Variants in ZNF735 observed in about 807,000 individuals in gnomAD.
ZNF735 encodes the protein zinc finger protein 735.
Under a neutral mutation model 13.4 loss-of-function variants are expected in ZNF735, and 11 were observed. The observed-to-expected ratio is 0.82, with a 90% CI of 0.52 to 1.36. The LOEUF (loss-of-function observed/expected upper bound fraction) is 1.36. ZNF735 is among the 40% of genes most tolerant of loss of function. The probability of loss-of-function intolerance (pLI) is 0.00; values close to 1 mark genes in which losing one functional copy is unlikely to be tolerated. For synonymous variants in ZNF735, 171 were observed against 162.6 expected (o/e 1.05, Z -0.39); for missense variants, 500 against 484.6 (o/e 1.03, Z -0.30).
At chr7:64,214,457 C>G (rs1231188984) in intron 3 of ZNF735, among the ~76,000 whole-genome samples, 1 of 151,046 alleles carries the variant, frequency 6.6e-6, no homozygotes, top group African/African-American at 2.4e-5. Flanking sequence ...TTGAGAAACT[C>G]TATGTTAAAC....
intron 3 of ZNF735, among the ~76,000 whole-genome samples, chr7:64,217,278 G>A (rs1182175420): frequency 6.6e-6 from 1 of 152,146 alleles, no homozygotes; most frequent in African/African-American, 2.4e-5. Flanking sequence ...GCCTTCCACT[G>A]TAATTGCAAG....
At chr7:64,207,603 C>T (rs528697057) in intron 1 of ZNF735, among the ~76,000 whole-genome samples, 2 of 152,272 alleles carry the variant, frequency 1.3e-5, no homozygotes, top group African/African-American at 4.8e-5. Flanking sequence ...GAGCTGTGGT[C>T]CCTGGGGTCC....
Position 64,214,117 on chromosome 7 carries a change from G to C in ZNF735, c.262+9G>C. The C allele has an allele frequency of 6.3e-7, 1 of 1,598,636 alleles. No individual in the cohort carries two copies. On this transcript the variant is annotated intron_variant, in intron 3 of 3. Coordinates refer to ENST00000429565, the Ensembl canonical transcript of ZNF735. ...GGCAGCCAAACACCCAGGTAGGTGA[G>C]AGCAAATGAAGCAGATGACACGGAT...
intron 3 of ZNF735, among the ~76,000 whole-genome samples, chr7:64,218,297 G>A (rs1015785161): frequency 6.6e-6 from 1 of 151,678 alleles, no homozygotes; most frequent in Non-Finnish European, 1.5e-5. Context: ...TGTCTCGGAG[G>A]ACTAGGCTTA....
intron 3 of ZNF735, among the ~76,000 whole-genome samples, chr7:64,215,123 G>A (rs1787405027): frequency 1.3e-5 from 2 of 151,252 alleles, no homozygotes; most frequent in African/African-American, 2.4e-5. Flanking sequence ...GTGCAATGGG[G>A]CAATTTTGGC....
chr7:64,220,091 A>G, exon 4 of ZNF735: 2 of 1,613,700 alleles, frequency 1.2e-6, no homozygotes, highest in Non-Finnish European at 8.5e-7. Flanking sequence ...AAGATAATTC[A>G]TACTGGAGAG....
At chr7:64,214,309 T>G (rs4718037) in intron 3 of ZNF735, among the ~76,000 whole-genome samples, 40,499 of 152,038 alleles carry the variant, frequency 0.27, 5,396 homozygotes, top group East Asian at 0.32. Flanking sequence ...TTAAATTCTC[T>G]AAGGATTCTA....
intron 1 of ZNF735, among the ~76,000 whole-genome samples, chr7:64,208,996 T>C (rs1227869724): frequency 6.6e-6 from 1 of 152,216 alleles, no homozygotes; most frequent in Non-Finnish European, 1.5e-5. Context: ...ATTTCTGGTT[T>C]TTGCTATTGT....
exon 4 of ZNF735, chr7:64,219,991 T>G (rs1172240146): frequency 2.5e-6 from 4 of 1,610,008 alleles, no homozygotes; most frequent in South Asian, 1.1e-5. Flanking sequence ...AGCCCTCATT[T>G]ACCACAAGAG....
intron 3 of ZNF735, 87 bp from the exon 4 acceptor site, chr7:64,219,227 C>T: frequency 6.7e-7 from 1 of 1,499,430 alleles, no homozygotes; most frequent in East Asian, 2.3e-5. Flanking sequence ...TGCTAATGTA[C>T]CTTGAACAAT....
Position 64,213,081 on chromosome 7 carries a change from T to A in ZNF735, c.40-11T>A. 6.2e-7 allele frequency: 1 copy of A among 1,606,830 alleles called. No homozygotes were observed. Reference sequence around the variant, plus strand: ...GTGTGTGTTCATGAGGTTTTTCTTTTTTTTTTTCAGGGACTGTTGACATTC... The same window carrying A: ...GTGTGTGTTCATGAGGTTTTTCTTTATTTTTTTCAGGGACTGTTGACATTC... On this transcript the variant is annotated splice_polypyrimidine_tract_variant and intron_variant, in intron 1 of 3. Coordinates refer to ENST00000429565, the Ensembl canonical transcript of ZNF735.
intron 1 of ZNF735, among the ~76,000 whole-genome samples, chr7:64,208,298 T>G (rs977043819): frequency 2.8e-4 from 37 of 133,726 alleles, no homozygotes; most frequent in African/African-American, 9.5e-4. Context: ...CACTCTGTCC[T>G]CCAGGCTGGA....
At chr7:64,212,650 A>G (rs1255011775) in intron 1 of ZNF735, among the ~76,000 whole-genome samples, 1 of 151,998 alleles carries the variant, frequency 6.6e-6, no homozygotes, top group African/African-American at 2.4e-5. Flanking sequence ...AAAATTAGCC[A>G]GGCGTGGTGG....
intron 3 of ZNF735, among the ~76,000 whole-genome samples, chr7:64,219,025 G>A (rs1787454658): frequency 6.6e-6 from 1 of 152,062 alleles, no homozygotes; most frequent in Non-Finnish European, 1.5e-5. Flanking sequence ...CTTCTACTGG[G>A]GATGAGGAAG....
At chr7:64,208,938 T>C (rs916712651) in intron 1 of ZNF735, among the ~76,000 whole-genome samples, 2 of 152,264 alleles carry the variant, frequency 1.3e-5, no homozygotes, top group Non-Finnish European at 2.9e-5. Flanking sequence ...ATGGTGTTTA[T>C]GTAACACATT....
Position 64,213,018 on chromosome 7 carries a change from G to C in ZNF735, c.40-74G>C, listed in dbSNP as rs991839770. On this transcript the variant is annotated intron_variant, in intron 1 of 3. Coordinates refer to ENST00000429565, the Ensembl canonical transcript of ZNF735. ...TTCTTTTTACTCTCTTTTTTAACTT[G>C]AGTCAAATAAAAATCTCTGCTTACG... The C allele has an allele frequency of 3.4e-6, 5 of 1,454,540 alleles. No homozygotes were observed. In the African/African-American group the frequency reaches 5.8e-5, roughly 17 times the overall value. The allele number at this position is 1,454,540 out of a possible 1,614,324, so 90.1% of individuals were successfully genotyped here.
intron 1 of ZNF735, 121 bp from the exon 2 acceptor site, chr7:64,212,971 C>G (rs1787377510): frequency 9.7e-7 from 1 of 1,033,166 alleles, no homozygotes; most frequent in East Asian, 2.6e-5. Context: ...TAATTTCAGT[C>G]ACTCTTGTAA....
intron 1 of ZNF735, among the ~76,000 whole-genome samples, chr7:64,209,495 T>C (rs986092774): frequency 6.6e-6 from 1 of 152,072 alleles, no homozygotes; most frequent in African/African-American, 2.4e-5. Flanking sequence ...CCTAGCTAAT[T>C]TTTGTATTTG....
chr7:64,213,985 A>G (rs778846552), intron 2 of ZNF735, 28 bp from the exon 3 acceptor site: 1 of 1,550,948 alleles, frequency 6.4e-7, no homozygotes, highest in Non-Finnish European at 8.7e-7. Flanking sequence ...AATAAGATTT[A>G]AGTTACTTTT....
Sources: allele counts gnomAD v4.1 joint callset (sites outside exome capture counted in the v4.1 genomes callset), GRCh38; gene constraint gnomAD v4.1.1; transcripts MANE v1.5; gene names NCBI Gene and HGNC (gene_info 2026-07-23, HGNC 2026-07-21).